ZDHHC24: variants seen among roughly 807,000 people sequenced by gnomAD.
ZDHHC24 encodes zDHHC palmitoyltransferase 24.
Under a neutral mutation model 23.2 loss-of-function variants are expected in ZDHHC24, and 17 were observed. The observed-to-expected ratio is 0.73, with a 90% CI of 0.50 to 1.10. The LOEUF is 1.10. ZDHHC24 is among the 50% of genes least tolerant of loss of function. The probability of loss-of-function intolerance (pLI) is 0.00; values close to 1 mark genes in which losing one functional copy is unlikely to be tolerated. For synonymous variants in ZDHHC24, 186 were observed against 194.5 expected, an observed-to-expected ratio of 0.96 and a Z score of 0.36; for missense variants, 366 against 393.0, an observed-to-expected ratio of 0.93 and a Z score of 0.58.
chr11:66,521,886 C>G (rs1432410683), intron 4 of ZDHHC24, among the ~76,000 whole-genome samples: 1 of 101,580 alleles, frequency 9.8e-6, no homozygotes, highest in Non-Finnish European at 1.8e-5. Flanking sequence ...GCCTGGGTAA[C>G]GGAGCGAGAC....
At chr11:66,533,317 T>C (rs1236307892), downstream of ZDHHC24, 1 of 152,132 alleles carries the variant, frequency 6.6e-6, no homozygotes, top group Non-Finnish European at 1.5e-5. Context: ...AAGAAAACAG[T>C]CTCTCCCATT....
chr11:66,531,518 C>A, downstream of ZDHHC24: 2 of 1,117,360 alleles, frequency 1.8e-6, no homozygotes, highest in Non-Finnish European at 2.7e-6. Flanking sequence ...ACACCTGCAT[C>A]CTCCTCCACC....
Position 66,539,623 on chromosome 11 carries a change from GCCCAGCGGGGCCCCAGGGCTGC to G in ZDHHC24, c.739_760del (p.Ala247ProfsTer45), listed in dbSNP as rs1857086563. 4 of 1,612,652 alleles carry G rather than the reference GCCCAGCGGGGCCCCAGGGCTGC, an allele frequency of 2.5e-6. No homozygotes were observed. The highest frequency in any genetic ancestry group is 1.3e-5 in the African/African-American group (1 of 74,934). On this transcript the variant is annotated frameshift_variant, in exon 3 of 3. Transcript: ENST00000310442. LOFTEE classifies it high-confidence loss of function. ...CAGGAAGGGCCAGAGCCAGACGAGG[GCCCAGCGGGGCCCCAGGGCTGC>G]CTGCAGGTTGTGGCAGGGACCCAGG...
At chr11:66,529,751 G>A (rs965078686) in intron 2 of ZDHHC24, 1 of 1,584,478 alleles carries the variant, frequency 6.3e-7, no homozygotes, top group South Asian at 1.1e-5. Context: ...GAGCAGGAGT[G>A]CCCCGTTGCT....
chr11:66,521,383 A>G (rs757433747), exon 5 of ZDHHC24: 2 of 1,612,200 alleles, frequency 1.2e-6, no homozygotes, highest in South Asian at 1.1e-5. Flanking sequence ...GAAGGTAGCC[A>G]CATCCGTGGT....
chr11:66,530,042 G>A, intron 2 of ZDHHC24: 2 of 1,525,348 alleles, frequency 1.3e-6, no homozygotes, highest in Non-Finnish European at 1.8e-6. Flanking sequence ...AAGCCCCAGA[G>A]CCAATTCCAA....
intron 4 of ZDHHC24, chr11:66,524,151 G>A (rs1427100803): frequency 2.0e-5 from 9 of 455,818 alleles, no homozygotes; most frequent in African/African-American, 6.0e-5. Flanking sequence ...ATGGTGGTGC[G>A]TACCTGTAAT....
rs1441963393 is a variant in ZDHHC24, at chr11:66,537,733, C to G, written c.*1796G>C. The stretch of plus-strand genomic sequence containing the variant: ...CACAAGGTCAGGAGATCGAGACCAT[C>G]CTGGCTAACACGGTGAAACCTCGTC... On this transcript the variant is annotated 3_prime_UTR_variant, in exon 3 of 3. Transcript: ENST00000310442. 2 of 145,198 alleles carry G rather than the reference C, an allele frequency of 1.4e-5. No individual in the cohort carries two copies. The highest frequency in any genetic ancestry group is 3.2e-3 in the Middle Eastern group (1 of 314). 9.0% of individuals were successfully genotyped at this position (145,198 alleles called of 1,614,324 possible).
chr11:66,531,325 C>A (rs1470011578), downstream of ZDHHC24, among the ~76,000 whole-genome samples: 2 of 152,222 alleles, frequency 1.3e-5, no homozygotes, highest in Admixed American at 6.5e-5. Flanking sequence ...CCAGAAGGGT[C>A]TGGGGGACCC....
intron 2 of ZDHHC24, chr11:66,529,624 G>A: frequency 1.4e-6 from 1 of 714,244 alleles, no homozygotes; most frequent in East Asian, 2.7e-5. Flanking sequence ...AGTGAGAAGA[G>A]GCAGGGCGAG....
Position 66,529,413 on chromosome 11 carries a change from C to CA in ZDHHC24, c.634dup (p.Cys212LeufsTer6). 9.4e-7 allele frequency: 1 copy of CA among 1,061,994 alleles called. No individual in the cohort carries two copies. Among genetic ancestry groups the CA allele is most frequent in the Non-Finnish European group, 1.4e-6 (1 of 713,110 alleles). The allele number at this position is 1,061,994 out of a possible 1,614,324, so 65.8% of individuals were successfully genotyped here. ...AGGGTGCTCACTAAGCTGCTGGAGA[C>CA]ACATGCACAATATCGAGCGTGGACA... On this transcript the variant is annotated frameshift_variant, in exon 3 of 5. Transcript: ENST00000526986. LOFTEE classifies it high-confidence loss of function.
intron 2 of ZDHHC24, chr11:66,529,707 G>A: frequency 7.3e-7 from 1 of 1,364,390 alleles, no homozygotes; most frequent in Non-Finnish European, 1.0e-6. Context: ...TCCTCCTGCA[G>A]CACCCTCCTC....
intron 2 of ZDHHC24, chr11:66,529,687 T>C (rs969556760): frequency 8.6e-7 from 1 of 1,164,038 alleles, no homozygotes; most frequent in Admixed American, 1.8e-5. Flanking sequence ...CCTCCCCAGC[T>C]CCTGCAGACT....
Position 66,538,220 on chromosome 11 carries a change from A to AC in ZDHHC24, c.*1308dup, listed in dbSNP as rs1857036509. 2 of 151,730 alleles carry AC rather than the reference A, an allele frequency of 1.3e-5. No homozygotes were observed. Among genetic ancestry groups the AC allele is most frequent in the South Asian group, 4.2e-4 (2 of 4,810 alleles). 9.4% of individuals were successfully genotyped at this position (151,730 alleles called of 1,614,324 possible). A position where few individuals can be genotyped will look rare whatever the true frequency, so the allele number is the denominator to read the frequency against. On this transcript the variant is annotated 3_prime_UTR_variant, in exon 3 of 3. Coordinates refer to ENST00000310442, the MANE Select transcript of ZDHHC24 (RefSeq NM_207340.3). Reference sequence around the variant, plus strand: ...AGACCTGCCTGGCCAACATGGTGAAACCCCCGTCTCTACTAAAAATACAAA... The same window carrying AC: ...AGACCTGCCTGGCCAACATGGTGAAACCCCCCGTCTCTACTAAAAATACAAA...
chr11:66,523,649 G>A (rs1318247956), intron 4 of ZDHHC24: 1 of 1,611,292 alleles, frequency 6.2e-7, no homozygotes, highest in African/African-American at 1.3e-5. Context: ...GAGTCCTCTG[G>A]CTTCCCCACC....
rs114607144 is a variant in ZDHHC24, at chr11:66,524,287, A to G, written c.*21+2649T>C. ...AGAGCGAGACTCCATCTTAAAAAAA[A>G]AAAAAATGTGTTGAGCACCTCATAT... On this transcript the variant is annotated intron_variant, in intron 4 of 4. Transcript: ENST00000526986. The G allele has an allele frequency of 3.1e-3, 1,019 of 333,372 alleles. 9 individuals carry two copies. The highest frequency in any genetic ancestry group is 0.021 in the African/African-American group (954 of 46,490). 20.7% of individuals were successfully genotyped at this position (333,372 alleles called of 1,614,324 possible). A position where few individuals can be genotyped will look rare whatever the true frequency, so the allele number is the denominator to read the frequency against.
At chr11:66,540,177 G>A (rs11604824) in intron 2 of ZDHHC24, among the ~76,000 whole-genome samples, 6 of 152,208 alleles carry the variant, frequency 3.9e-5, no homozygotes, top group South Asian at 2.1e-4. Context: ...CAGCACTTTG[G>A]GGGGGCGAAG....
intron 3 of ZDHHC24, among the ~76,000 whole-genome samples, chr11:66,528,208 C>T (rs536957161): frequency 2.0e-5 from 3 of 152,300 alleles, no homozygotes; most frequent in African/African-American, 7.2e-5. Context: ...AAGAGCCAGA[C>T]TCCGTCTCAA....
intron 4 of ZDHHC24, chr11:66,523,711 T>C: frequency 6.2e-7 from 1 of 1,610,788 alleles, no homozygotes; most frequent in South Asian, 1.1e-5. Flanking sequence ...AGACGCTGGC[T>C]GTTCCCTGCC....
Sources: gnomAD v4.1 joint callset for allele counts (sites outside exome capture counted in the v4.1 genomes callset) on GRCh38, gnomAD v4.1.1 for gene constraint, MANE v1.5 for transcripts, NCBI Gene and HGNC (gene_info 2026-07-23, HGNC 2026-07-21) for gene names.